The following ZNF385B variants were observed in gnomAD, a reference collection of about 807,000 sequenced individuals.
ZNF385B encodes the protein zinc finger protein 533.
In ZNF385B, 23 loss-of-function variants were observed where a neutral mutation model predicts 39.2. The ratio of observed to expected loss-of-function variants is 0.59; its 90% CI spans 0.42 to 0.83. The LOEUF is 0.83. Among genes scored for constraint, ZNF385B ranks in the 40% least tolerant of loss-of-function variants. ZNF385B has a pLI of 0.00. For missense variants in ZNF385B, 552 were observed against 598.9 expected (o/e 0.92, Z 0.82); for synonymous variants, 205 against 222.6 (o/e 0.92, Z 0.70).
intron 3 of ZNF385B, among the ~76,000 whole-genome samples, chr2:179,643,942 AT>A (rs780280608): frequency 6.6e-6 from 1 of 152,182 alleles, no homozygotes; most frequent in Non-Finnish European, 1.5e-5. Context: ...ATGTTTATAA[AT>A]GTTAAAAACA....
In ZNF385B at chr2:179,723,467, A is replaced by G. The variant is rs76452686; in HGVS notation, c.298+46036T>C. ...AGGATATACAAAATATATTAGGTTG[A>G]TGCAAAAGTAATTGCGGTTTTTGCC... On this transcript the variant is annotated intron_variant, in intron 3 of 9. Coordinates refer to ENST00000410066, the MANE Select transcript of ZNF385B (RefSeq NM_152520.6). Among the ~76,000 whole-genome samples, 1,062 of 152,314 alleles carry G rather than the reference A, an allele frequency of 7.0e-3. 9 individuals carry two copies. The highest frequency in any genetic ancestry group is 0.025 in the African/African-American group (1,024 of 41,570).
chr2:179,748,731 GTCTT>G (rs1245452083), intron 3 of ZNF385B, among the ~76,000 whole-genome samples: 2 of 152,088 alleles, frequency 1.3e-5, no homozygotes, highest in African/African-American at 4.8e-5. Context: ...TTTGCTTGGA[GTCTT>G]TCTTATGACT....
chr2:179,490,051 T>G (rs2055043796), intron 5 of ZNF385B, among the ~76,000 whole-genome samples: 1 of 152,224 alleles, frequency 6.6e-6, no homozygotes, highest in East Asian at 1.9e-4. Context: ...TCTTCTGGAT[T>G]GTGCCAGGCC....
chr2:179,809,676 T>G (rs574062864), intron 1 of ZNF385B, among the ~76,000 whole-genome samples: 1 of 152,224 alleles, frequency 6.6e-6, no homozygotes, highest in Non-Finnish European at 1.5e-5. Flanking sequence ...ACAGAAATTT[T>G]GAAAAACCTA....
chr2:179,571,616 TACAA>T (rs1685220691), intron 3 of ZNF385B, among the ~76,000 whole-genome samples: 1 of 152,224 alleles, frequency 6.6e-6, no homozygotes, highest in South Asian at 2.1e-4. Flanking sequence ...GGTCTTGAAA[TACAA>T]ACAATTAAAA....
At chr2:179,485,032 A>G (rs1358228867) in intron 5 of ZNF385B, among the ~76,000 whole-genome samples, 1 of 152,168 alleles carries the variant, frequency 6.6e-6, no homozygotes, top group Non-Finnish European at 1.5e-5. Context: ...GAAGGTCACC[A>G]CTGAGGTGAG....
chr2:179,545,400 T>C (rs2060169660), intron 3 of ZNF385B, among the ~76,000 whole-genome samples: 1 of 152,160 alleles, frequency 6.6e-6, no homozygotes, highest in Admixed American at 6.6e-5. Context: ...AAATCAGAGA[T>C]AAATATAGGG....
intron 3 of ZNF385B, among the ~76,000 whole-genome samples, chr2:179,610,484 A>T (rs1003297922): frequency 6.6e-6 from 1 of 152,128 alleles, no homozygotes. Flanking sequence ...GAAGTTAGAT[A>T]CTGTGATTTC....
intron 1 of ZNF385B, among the ~76,000 whole-genome samples, chr2:179,857,549 C>G (rs1373495506): frequency 3.3e-5 from 5 of 152,082 alleles, no homozygotes; most frequent in Non-Finnish European, 5.9e-5. Flanking sequence ...TAAGCAACGA[C>G]ACAGAGCTCA....
intron 1 of ZNF385B, among the ~76,000 whole-genome samples, chr2:179,777,280 T>C (rs1359691798): frequency 2.0e-5 from 3 of 152,174 alleles, no homozygotes; most frequent in Non-Finnish European, 4.4e-5. Flanking sequence ...TACTAATTTA[T>C]GCTTATGACA....
intron 6 of ZNF385B, among the ~76,000 whole-genome samples, chr2:179,472,813 C>A (rs1418589214): frequency 6.6e-6 from 1 of 152,174 alleles, no homozygotes. Flanking sequence ...CCAGGCAGGG[C>A]TGCTTCCCCA....
At chr2:179,849,063 GTT>G (rs1283464404) in intron 1 of ZNF385B, among the ~76,000 whole-genome samples, 1 of 152,160 alleles carries the variant, frequency 6.6e-6, no homozygotes, top group Non-Finnish European at 1.5e-5. Context: ...GTTTAAATAT[GTT>G]TATAATTTGC....
At chr2:179,672,692 C>T (rs922468614) in intron 3 of ZNF385B, among the ~76,000 whole-genome samples, 2 of 152,146 alleles carry the variant, frequency 1.3e-5, no homozygotes, top group African/African-American at 4.8e-5. Flanking sequence ...CCTCTTCCAC[C>T]AAGTGAGGAT....
At chr2:179,612,110 C>G (rs1050814972) in intron 3 of ZNF385B, among the ~76,000 whole-genome samples, 1 of 152,142 alleles carries the variant, frequency 6.6e-6, no homozygotes, top group African/African-American at 2.4e-5. Flanking sequence ...TCCTAGGATT[C>G]TGAATTCCTT....
At chr2:179,738,562 T>C (rs2106444891) in intron 3 of ZNF385B, among the ~76,000 whole-genome samples, 1 of 152,348 alleles carries the variant, frequency 6.6e-6, no homozygotes, top group East Asian at 1.9e-4. Context: ...CGTTTTTCAC[T>C]ACTTCCTCCA....
At chr2:179,535,738 T>A (rs552590426) in intron 4 of ZNF385B, among the ~76,000 whole-genome samples, 1 of 152,162 alleles carries the variant, frequency 6.6e-6, no homozygotes, top group Non-Finnish European at 1.5e-5. Context: ...TGAAAGCAAA[T>A]CTGTAAAAAG....
chr2:179,444,209 G>T (rs764629691), intron 9 of ZNF385B, among the ~76,000 whole-genome samples: 1 of 152,224 alleles, frequency 6.6e-6, no homozygotes, highest in Non-Finnish European at 1.5e-5. Context: ...AAGCTGGAAG[G>T]TAATCTCAGA....
intron 3 of ZNF385B, among the ~76,000 whole-genome samples, chr2:179,565,909 A>G (rs907924214): frequency 2.0e-5 from 3 of 152,168 alleles, no homozygotes; most frequent in South Asian, 4.1e-4. Context: ...TTACATCTTC[A>G]TTACAACACT....
chr2:179,806,457 T>C (rs1706356131), intron 1 of ZNF385B, among the ~76,000 whole-genome samples: 1 of 152,180 alleles, frequency 6.6e-6, no homozygotes, highest in African/African-American at 2.4e-5. Context: ...AAGGGAAGCC[T>C]AGGCTCCCCC....
Sources: allele counts gnomAD v4.1 joint callset (sites outside exome capture counted in the v4.1 genomes callset), GRCh38; gene constraint gnomAD v4.1.1; transcripts MANE v1.5; gene names NCBI Gene and HGNC (gene_info 2026-07-23, HGNC 2026-07-21).